The following SCAPER variants were observed in gnomAD, a reference collection of about 807,000 sequenced individuals.
SCAPER encodes S phase cyclin A-associated protein in the endoplasmic reticulum.
Under a neutral mutation model 182.2 loss-of-function variants are expected in SCAPER, and 98 were observed. That is an observed-to-expected ratio of 0.54 (90% CI 0.46 to 0.64). The LOEUF is 0.64. Among genes scored for constraint, SCAPER ranks in the 30% least tolerant of loss-of-function variants. SCAPER has a pLI of 0.00. For synonymous variants in SCAPER, 605 were observed against 564.6 expected, an observed-to-expected ratio of 1.07 and a Z score of -1.01; for missense variants, 1,432 against 1,690.0, an observed-to-expected ratio of 0.85 and a Z score of 2.68.
chr15:76,384,446 G>GT (rs1158471074), intron 27 of SCAPER, among the ~76,000 whole-genome samples: 1 of 152,114 alleles, frequency 6.6e-6, no homozygotes, highest in Non-Finnish European at 1.5e-5. Context: ...AAGAATATGT[G>GT]TAAAAAATCT....
At chr15:76,864,165 C>T (rs979870321) in intron 2 of SCAPER, among the ~76,000 whole-genome samples, 16 of 152,176 alleles carry the variant, frequency 1.1e-4, no homozygotes, top group African/African-American at 3.6e-4. Flanking sequence ...TATTTCTATA[C>T]AGATATTAAA....
chr15:76,481,768 G>A (rs544192082), intron 24 of SCAPER, among the ~76,000 whole-genome samples: 1 of 152,294 alleles, frequency 6.6e-6, no homozygotes, highest in African/African-American at 2.4e-5. Flanking sequence ...ACCTAAGTGT[G>A]TATCTCCAGC....
chr15:76,429,065 C>T (rs1181188955), intron 26 of SCAPER, among the ~76,000 whole-genome samples: 4 of 151,526 alleles, frequency 2.6e-5, no homozygotes, highest in South Asian at 2.1e-4. Flanking sequence ...GAATAAGTCT[C>T]ACGAGATCTG....
chr15:76,797,516 T>C (rs556320697), intron 7 of SCAPER: 6 of 152,116 alleles, frequency 3.9e-5, no homozygotes, highest in Admixed American at 2.0e-4. Flanking sequence ...CTAGGAAATA[T>C]TTGAGAGGAC....
intron 29 of SCAPER, among the ~76,000 whole-genome samples, chr15:76,357,857 CAT>C (rs767323534): frequency 8.5e-5 from 13 of 152,148 alleles, no homozygotes; most frequent in Non-Finnish European, 1.5e-4. Context: ...TCAAATACCA[CAT>C]GTTTTTGCCT....
intron 25 of SCAPER, among the ~76,000 whole-genome samples, chr15:76,440,974 T>C (rs1490700453): frequency 8.0e-6 from 1 of 125,644 alleles, no homozygotes; most frequent in Non-Finnish European, 1.6e-5. Flanking sequence ...CAGGCTGGGG[T>C]GCAGTGGCAC....
intron 24 of SCAPER, among the ~76,000 whole-genome samples, chr15:76,477,872 A>T (rs2050781909): frequency 6.6e-6 from 1 of 151,828 alleles, no homozygotes; most frequent in Admixed American, 6.5e-5. Flanking sequence ...CTTTACTGAT[A>T]ATATAGATGT....
chr15:76,832,712 G>C (rs1045674544), intron 5 of SCAPER, among the ~76,000 whole-genome samples: 1 of 152,126 alleles, frequency 6.6e-6, no homozygotes, highest in Non-Finnish European at 1.5e-5. Context: ...TCATGACAGA[G>C]TTCTCACGAG....
intron 25 of SCAPER, among the ~76,000 whole-genome samples, chr15:76,451,525 C>T (rs2048365018): frequency 6.6e-6 from 1 of 152,190 alleles, no homozygotes; most frequent in African/African-American, 2.4e-5. Context: ...AATGCAACTA[C>T]ATACTGAAGT....
intron 15 of SCAPER, chr15:76,736,991 T>A (rs2151084294): frequency 6.6e-6 from 1 of 152,430 alleles, no homozygotes; most frequent in African/African-American, 2.4e-5. Context: ...TGCAGTTGCT[T>A]CCTTAACTGT....
chr15:76,847,690 A>G (rs542052593), intron 4 of SCAPER, among the ~76,000 whole-genome samples: 1 of 152,278 alleles, frequency 6.6e-6, no homozygotes, highest in South Asian at 2.1e-4. Context: ...GGGGACCAAG[A>G]TGAGAGGATT....
intron 23 of SCAPER, among the ~76,000 whole-genome samples, chr15:76,573,786 T>C (rs569334008): frequency 3.3e-5 from 5 of 152,256 alleles, no homozygotes; most frequent in East Asian, 1.9e-4. Context: ...TCAGGGGATA[T>C]TGGTGTTTTG....
chr15:76,601,922 G>C (rs574097763), intron 22 of SCAPER, among the ~76,000 whole-genome samples: 1 of 121,010 alleles, frequency 8.3e-6, no homozygotes, highest in East Asian at 2.2e-4. Flanking sequence ...ACATATTCAA[G>C]TCCTGCAGTC....
At chr15:76,677,526 A>G (rs984248832) in intron 20 of SCAPER, among the ~76,000 whole-genome samples, 6 of 151,834 alleles carry the variant, frequency 4.0e-5, no homozygotes, top group African/African-American at 1.5e-4. Context: ...AATCAATGTA[A>G]CAAGCCCAAA....
At chr15:76,867,196 G>T (rs772492802) in intron 2 of SCAPER, among the ~76,000 whole-genome samples, 5 of 152,210 alleles carry the variant, frequency 3.3e-5, no homozygotes, top group Non-Finnish European at 7.4e-5. Context: ...CTATGTATCT[G>T]TCTCCATAAA....
intron 24 of SCAPER, among the ~76,000 whole-genome samples, chr15:76,481,480 C>A (rs1209717378): frequency 6.6e-6 from 1 of 152,072 alleles, no homozygotes; most frequent in Non-Finnish European, 1.5e-5. Context: ...CCTGTCCTGA[C>A]CTCATACACG....
intron 2 of SCAPER, among the ~76,000 whole-genome samples, chr15:76,873,483 T>C (rs1693708653): frequency 6.6e-6 from 1 of 152,142 alleles, no homozygotes; most frequent in Admixed American, 6.5e-5. Flanking sequence ...ATAGTGATAC[T>C]TTTAGTAAAA....
At chr15:76,902,851 G>GT (rs544932000) in intron 1 of SCAPER, among the ~76,000 whole-genome samples, 1 of 152,272 alleles carries the variant, frequency 6.6e-6, no homozygotes, top group South Asian at 2.1e-4. Flanking sequence ...GAGGTCAGGA[G>GT]TTTGAGACCA....
chr15:76,399,712 G>T (rs1334242871), intron 27 of SCAPER, among the ~76,000 whole-genome samples: 1 of 152,062 alleles, frequency 6.6e-6, no homozygotes, highest in Non-Finnish European at 1.5e-5. Flanking sequence ...GGAAAACCTA[G>T]GTAAAAATTT....
Sources: allele counts gnomAD v4.1 joint callset (sites outside exome capture counted in the v4.1 genomes callset), GRCh38; gene constraint gnomAD v4.1.1; transcripts MANE v1.5; gene names NCBI Gene and HGNC (gene_info 2026-07-23, HGNC 2026-07-21).